Variants in DEPDC1B observed in about 807,000 individuals in gnomAD.
DEPDC1B encodes DEP domain containing 1B.
A neutral mutation model predicts 66.5 loss-of-function variants in DEPDC1B; 51 were observed. The ratio of observed to expected loss-of-function variants is 0.77; its 90% confidence interval spans 0.61 to 0.97. DEPDC1B has a LOEUF of 0.97. Ranked by LOEUF, DEPDC1B falls within the 50% of genes least tolerant of loss-of-function variation. The probability of loss-of-function intolerance (pLI) is 0.00; values close to 1 mark genes in which losing one functional copy is unlikely to be tolerated. For synonymous variants in DEPDC1B, 226 were observed against 223.6 expected (o/e 1.01, Z -0.10); for missense variants, 552 against 637.1 (o/e 0.87, Z 1.44).
Position 60,617,543 on chromosome 5 carries a change from G to A in DEPDC1B, c.899-11687C>T, listed in dbSNP as rs1752589188. Among the ~76,000 whole-genome samples the A allele has an allele frequency of 6.6e-5, 10 of 152,212 alleles. No homozygotes were observed. The South Asian group carries it at 1.7e-3, about 25-fold the overall frequency. On this transcript the variant is annotated intron_variant, in intron 7 of 10. Coordinates refer to ENST00000265036, the MANE Select transcript of DEPDC1B (RefSeq NM_018369.3). ...ACAAAGGTCAAAAGAGACAAAGAAGGCCATTACATAATGATAAAGGGATCA... is the reference window on the plus strand; with the variant it reads ...ACAAAGGTCAAAAGAGACAAAGAAGACCATTACATAATGATAAAGGGATCA...
rs775898971 is a variant in DEPDC1B at position 60,700,130 on chromosome 5, C to A, written c.-37G>T. ...AGCAGCGGCCGCAGCCGCGCCAGCGCTGATCCCCGCCAGCCGGAGGAGCAG... is the reference window on the plus strand; with the variant it reads ...AGCAGCGGCCGCAGCCGCGCCAGCGATGATCCCCGCCAGCCGGAGGAGCAG... On this transcript the variant is annotated 5_prime_UTR_variant, in exon 1 of 11. Coordinates refer to ENST00000265036, the MANE Select transcript of DEPDC1B (RefSeq NM_018369.3). The A allele has an allele frequency of 1.2e-5, 19 of 1,534,168 alleles. No homozygotes were observed. In the Admixed American group the frequency reaches 2.0e-4, roughly 16 times the overall value.
At chr5:60,685,591 T>TTACTCTGCTGGGACTCA (rs1754394532) in intron 2 of DEPDC1B, among the ~76,000 whole-genome samples, 1 of 152,158 alleles carries the variant, frequency 6.6e-6, no homozygotes, top group African/African-American at 2.4e-5. Context: ...GGCTCCTATT[T>TTACTCTGCTGGGACTCA]TACTCTGCTG....
chr5:60,648,018 T>C (rs943446201), intron 2 of DEPDC1B: 2 of 152,276 alleles, frequency 1.3e-5, no homozygotes, highest in Non-Finnish European at 2.9e-5. Context: ...GGGAAGTTTA[T>C]ATGAAGGTGA....
At chr5:60,687,563 G>C (rs1754450673) in intron 1 of DEPDC1B, among the ~76,000 whole-genome samples, 1 of 149,876 alleles carries the variant, frequency 6.7e-6, no homozygotes, top group South Asian at 2.1e-4. Context: ...GTCTAGCTTT[G>C]TCGCCCAGGC....
intron 7 of DEPDC1B, among the ~76,000 whole-genome samples, chr5:60,636,218 A>G (rs562258661): frequency 2.0e-5 from 3 of 152,336 alleles, no homozygotes; most frequent in East Asian, 1.9e-4. Context: ...CTTGCAGGTC[A>G]GACAGCTGGG....
chr5:60,692,488 G>C (rs1158551935), intron 1 of DEPDC1B, among the ~76,000 whole-genome samples: 2 of 151,828 alleles, frequency 1.3e-5, no homozygotes, highest in East Asian at 1.9e-4. Context: ...ATTTTTTTTA[G>C]AGACCTAAAA....
intron 2 of DEPDC1B, among the ~76,000 whole-genome samples, chr5:60,681,327 A>G (rs1754291082): frequency 6.6e-6 from 1 of 152,110 alleles, no homozygotes; most frequent in Non-Finnish European, 1.5e-5. Context: ...CATCTACATC[A>G]TCAGAAAAGC....
Position 60,687,099 on chromosome 5 carries a change from G to A in DEPDC1B, c.177C>T (p.Cys59=). 1 of 1,614,190 alleles carries A rather than the reference G, an allele frequency of 6.2e-7. No homozygotes were observed. Residue 59 remains cysteine, a synonymous_variant, in exon 2 of 11, where the codon TGC becomes TGT. Coordinates refer to ENST00000265036, the MANE Select transcript of DEPDC1B (RefSeq NM_018369.3). ...AVDWLHELLR[C]SQNFGPEVTR... is the part of the protein sequence containing the mutation. The stretch of plus-strand genomic sequence containing the variant: ...TCACTTCAGGGCCGAAGTTTTGACT[G>A]CACCTCAGCAGCTCATGCAGCCAAT...
intron 2 of DEPDC1B, among the ~76,000 whole-genome samples, chr5:60,662,313 G>A (rs112238292): frequency 0.013 from 1,931 of 152,164 alleles, 16 homozygotes; most frequent in Non-Finnish European, 0.021. Flanking sequence ...GCGTGAACCC[G>A]GGAGGCAGAG....
Position 60,634,703 on chromosome 5 carries a change from T to TAA in DEPDC1B, c.898+4046_898+4047insTT, listed in dbSNP as rs1468916232. Among the ~76,000 whole-genome samples the TAA allele has an allele frequency of 1.9e-3, 275 of 147,634 alleles. 3 individuals are homozygous for TAA. Among genetic ancestry groups the TAA allele is most frequent in the Non-Finnish European group, 7.2e-4 (48 of 67,132 alleles). On this transcript the variant is annotated intron_variant, in intron 7 of 10. Coordinates refer to ENST00000265036, the MANE Select transcript of DEPDC1B (RefSeq NM_018369.3). ...ATAAATAAATAAATAAATAAATAAATATAAAAATAAATAAATAAATAGCTT... is the reference window on the plus strand; with the variant it reads ...ATAAATAAATAAATAAATAAATAAATAAATAAAAATAAATAAATAAATAGCTT...
chr5:60,685,396 GA>G lies in DEPDC1B; in HGVS notation c.314+1565del, dbSNP rs537742713. On this transcript the variant is annotated intron_variant, in intron 2 of 10. Transcript: ENST00000265036. Reference sequence around the variant, plus strand: ...AATGAACTTTCAGGTAGTAAATGGTGAAAAAAAAAAAAATACTGCTCCATTT... The same window carrying G: ...AATGAACTTTCAGGTAGTAAATGGTGAAAAAAAAAAAATACTGCTCCATTT... 6.8e-3 allele frequency among the ~76,000 whole-genome samples: 926 copies of G among 135,910 alleles called. 11 individuals are homozygous for G. The highest frequency in any genetic ancestry group is 0.02 in the African/African-American group (723 of 37,074). 89.2% of individuals were successfully genotyped at this position (135,910 alleles called of 152,430 possible). A position where few individuals can be genotyped will look rare whatever the true frequency, so the allele number is the denominator to read the frequency against.
intron 7 of DEPDC1B, among the ~76,000 whole-genome samples, chr5:60,622,611 A>T (rs1225025758): frequency 6.6e-6 from 1 of 152,214 alleles, no homozygotes; most frequent in East Asian, 1.9e-4. Flanking sequence ...AGAAATGATG[A>T]ACTCATTTTC....
intron 1 of DEPDC1B, 60 bp downstream of exon 1, chr5:60,699,986 G>C (rs1754748212): frequency 2.0e-6 from 3 of 1,537,018 alleles, no homozygotes; most frequent in Admixed American, 2.0e-5. Flanking sequence ...CTCTGTCCGC[G>C]CGCTGAGTGG....
chr5:60,617,095 T>G (rs1320646525), intron 7 of DEPDC1B, among the ~76,000 whole-genome samples: 1 of 152,116 alleles, frequency 6.6e-6, no homozygotes, highest in Non-Finnish European at 1.5e-5. Flanking sequence ...GCTGAGAGAT[T>G]TTGTCACCAC....
chr5:60,603,310 T>A, intron 9 of DEPDC1B, 81 bp downstream of exon 9: 2 of 1,324,926 alleles, frequency 1.5e-6, no homozygotes, highest in Middle Eastern at 4.6e-4. Context: ...ATCCTCATAA[T>A]AAAATGCCCC....
chr5:60,644,763 TA>T lies in DEPDC1B; in HGVS notation c.690del (p.Ile231PhefsTer17). ...NVYSVSKQGV[V>X]ILDDKSKELP... is the part of the protein sequence containing the mutation. ...CACTTACTTGACTTGTCATCAAGAA[TA>T]ACAACTCCCTGCTTGCTAACACTAT... On this transcript the variant is annotated frameshift_variant, in exon 5 of 11. Coordinates refer to ENST00000265036, the MANE Select transcript of DEPDC1B (RefSeq NM_018369.3). LOFTEE classifies it high-confidence loss of function. The T allele has an allele frequency of 6.3e-7, 1 of 1,595,594 alleles. No individual in the cohort carries two copies. Among genetic ancestry groups the T allele is most frequent in the Non-Finnish European group, 8.5e-7 (1 of 1,172,976 alleles).
In DEPDC1B at chr5:60,645,479, C is replaced by G; in HGVS notation, c.578+13G>C. The G allele has an allele frequency of 6.3e-7, 1 of 1,581,318 alleles. No individual in the cohort carries two copies. Among genetic ancestry groups the G allele is most frequent in the Non-Finnish European group, 8.6e-7 (1 of 1,165,276 alleles). On this transcript the variant is annotated intron_variant, in intron 4 of 10. Coordinates refer to ENST00000265036, the MANE Select transcript of DEPDC1B (RefSeq NM_018369.3). ...TATCTCTAAAATTTCTCATTAATAT[C>G]AAATGTACATACTATGATAATGTCA... is the stretch of plus-strand genomic sequence containing the variant.
intron 1 of DEPDC1B, among the ~76,000 whole-genome samples, chr5:60,691,147 G>A (rs542300195): frequency 2.1e-4 from 32 of 151,404 alleles, no homozygotes; most frequent in Admixed American, 3.9e-4. Context: ...TCCGCCTCCC[G>A]GGTTCAAGCG....
chr5:60,633,533 G>A (rs1277270095), intron 7 of DEPDC1B, among the ~76,000 whole-genome samples: 1 of 152,166 alleles, frequency 6.6e-6, no homozygotes, highest in Non-Finnish European at 1.5e-5. Flanking sequence ...GCCAGGGTTG[G>A]CCTGCTGGAG....
Sources: gnomAD v4.1 joint callset for allele counts (sites outside exome capture counted in the v4.1 genomes callset) on GRCh38, gnomAD v4.1.1 for gene constraint, MANE v1.5 for transcripts, NCBI Gene and HGNC (gene_info 2026-07-23, HGNC 2026-07-21) for gene names.